SLC24A2: variants seen among roughly 807,000 people sequenced by gnomAD.
SLC24A2 encodes sodium/potassium/calcium exchanger 2.
Under a neutral mutation model 62.0 loss-of-function variants are expected in SLC24A2, and 36 were observed. That is an observed-to-expected ratio of 0.58 (90% CI 0.44 to 0.77). The LOEUF is 0.77. SLC24A2 is among the 30% of genes least tolerant of loss of function. The pLI, the probability that SLC24A2 is intolerant of heterozygous loss-of-function variation, is 0.00. For missense variants in SLC24A2, 846 were observed against 817.9 expected (o/e 1.03, Z -0.42); for synonymous variants, 358 against 294.0 (o/e 1.22, Z -2.23).
the SLC24A2 span, among the ~76,000 whole-genome samples, chr9:20,141,583 T>G: frequency 0.014 from 2,189 of 151,838 alleles, 19 homozygotes; most frequent in Non-Finnish European, 0.021. Flanking sequence ...TTCTGATCAT[T>G]CTATAATACT....
the SLC24A2 span, among the ~76,000 whole-genome samples, chr9:20,254,443 T>A: frequency 6.6e-6 from 1 of 152,192 alleles, no homozygotes; most frequent in African/African-American, 2.4e-5. Flanking sequence ...ATGTGTTCAA[T>A]AGCAACACAT....
the SLC24A2 span, among the ~76,000 whole-genome samples, chr9:20,233,054 C>G: frequency 5.9e-5 from 9 of 152,074 alleles, no homozygotes; most frequent in Non-Finnish European, 7.4e-5. Context: ...GTTTCTTAAT[C>G]CTGAGTTCTA....
chr9:20,148,912 A>G, the SLC24A2 span, among the ~76,000 whole-genome samples: 1 of 152,112 alleles, frequency 6.6e-6, no homozygotes, highest in Admixed American at 6.6e-5. Flanking sequence ...AATTCAAAAC[A>G]TTTTTTAAAA....
At chr9:20,015,083 G>A in the SLC24A2 span, among the ~76,000 whole-genome samples, 1 of 152,172 alleles carries the variant, frequency 6.6e-6, no homozygotes, top group Admixed American at 6.5e-5. Flanking sequence ...AGAATATGTA[G>A]TTGGGGTAGG....
At chr9:20,249,704 C>G in the SLC24A2 span, among the ~76,000 whole-genome samples, 1 of 76,586 alleles carries the variant, frequency 1.3e-5, no homozygotes, top group African/African-American at 4.6e-5. Flanking sequence ...AACTCTGTCT[C>G]AAAAAAAAAA....
At chr9:19,970,949 T>G in the SLC24A2 span, among the ~76,000 whole-genome samples, 1 of 152,198 alleles carries the variant, frequency 6.6e-6, no homozygotes, top group African/African-American at 2.4e-5. Context: ...ATGATCATAC[T>G]CCTATGTCCA....
At chr9:19,928,811 T>TA in the SLC24A2 span, 2 of 152,236 alleles carry the variant, frequency 1.3e-5, no homozygotes, top group African/African-American at 4.8e-5. Context: ...GTCTTTGGTT[T>TA]AAAATCTTAC....
chr9:19,741,453 A>G, intron 2 of SLC24A2, among the ~76,000 whole-genome samples: 1 of 152,122 alleles, frequency 6.6e-6, no homozygotes, highest in East Asian at 1.9e-4. Flanking sequence ...AGTTTTTCCA[A>G]CACTCACATA....
At chr9:19,521,738 A>T (rs562744794) in intron 9 of SLC24A2, among the ~76,000 whole-genome samples, 2 of 152,276 alleles carry the variant, frequency 1.3e-5, no homozygotes, top group South Asian at 4.1e-4. Context: ...TCTCATCCAT[A>T]AACTGGGGAT....
the SLC24A2 span, among the ~76,000 whole-genome samples, chr9:20,029,810 A>G: frequency 0.66 from 100,223 of 151,990 alleles, 33,819 homozygotes; most frequent in East Asian, 0.95. Flanking sequence ...GGATATGGGT[A>G]AGTGTGTGTG....
the SLC24A2 span, among the ~76,000 whole-genome samples, chr9:20,267,265 C>G: frequency 6.6e-6 from 1 of 152,168 alleles, no homozygotes. Context: ...ATCTAGTTTT[C>G]ACAATAACCA....
chr9:20,242,565 G>A, the SLC24A2 span, among the ~76,000 whole-genome samples: 1 of 152,198 alleles, frequency 6.6e-6, no homozygotes. Context: ...TGTGAGTGCA[G>A]GGAAGGGCAG....
At chr9:20,111,880 T>C in the SLC24A2 span, among the ~76,000 whole-genome samples, 166 of 152,282 alleles carry the variant, frequency 1.1e-3, no homozygotes, top group Non-Finnish European at 2.1e-3. Flanking sequence ...AATGTTCTTG[T>C]TTGGAAAAGT....
chr9:20,027,925 G>A, the SLC24A2 span, among the ~76,000 whole-genome samples: 1 of 151,850 alleles, frequency 6.6e-6, no homozygotes, highest in East Asian at 1.9e-4. Flanking sequence ...TTTTTTAAAT[G>A]GGCTTTAGGC....
chr9:20,178,106 A>C, the SLC24A2 span, among the ~76,000 whole-genome samples: 1 of 152,174 alleles, frequency 6.6e-6, no homozygotes, highest in Non-Finnish European at 1.5e-5. Context: ...CTTTAATATA[A>C]GTGTAAATAT....
intron 2 of SLC24A2, among the ~76,000 whole-genome samples, chr9:19,746,295 TA>T (rs1390117860): frequency 2.0e-5 from 3 of 152,138 alleles, no homozygotes; most frequent in Admixed American, 2.0e-4. Flanking sequence ...GAGCTCTACG[TA>T]ACTCCAAAAG....
At chr9:19,630,569 T>C (rs540554389) in intron 2 of SLC24A2, among the ~76,000 whole-genome samples, 27 of 152,262 alleles carry the variant, frequency 1.8e-4, no homozygotes, top group African/African-American at 6.3e-4. Context: ...GCCTCATTAA[T>C]ATAGCAGATT....
At chr9:19,978,268 C>T in the SLC24A2 span, among the ~76,000 whole-genome samples, 4 of 152,118 alleles carry the variant, frequency 2.6e-5, no homozygotes, top group South Asian at 8.3e-4. Flanking sequence ...TCATTCAATA[C>T]CATCTTTAGC....
At chr9:19,973,515 G>A in the SLC24A2 span, among the ~76,000 whole-genome samples, 1 of 152,206 alleles carries the variant, frequency 6.6e-6, no homozygotes, top group Non-Finnish European at 1.5e-5. Flanking sequence ...GGGCGTTGGA[G>A]CAAGACACAC....
Sources: allele counts gnomAD v4.1 joint callset (sites outside exome capture counted in the v4.1 genomes callset), GRCh38; gene constraint gnomAD v4.1.1; transcripts MANE v1.5; gene names NCBI Gene and HGNC (gene_info 2026-07-23, HGNC 2026-07-21).